The following RYR3 variants were observed in gnomAD, a reference collection of about 807,000 sequenced individuals.
The protein encoded by RYR3 is ryanodine receptor 3, also known as brain ryanodine receptor-calcium release channel.
A neutral mutation model predicts 584.3 loss-of-function variants in RYR3; 207 were observed. The ratio of observed to expected loss-of-function variants is 0.35; its 90% CI spans 0.32 to 0.40. RYR3 has a LOEUF of 0.40. Ranked by LOEUF, RYR3 falls within the 10% of genes least tolerant of loss-of-function variation. The pLI is 1.00. For synonymous variants in RYR3, 2,416 were observed against 2,248.5 expected (o/e 1.07, Z -2.11); for missense variants, 5,616 against 6,089.2 (o/e 0.92, Z 2.59).
intron 47 of RYR3, among the ~76,000 whole-genome samples, chr15:33,730,246 A>G (rs2068834144): frequency 6.6e-6 from 1 of 152,078 alleles, no homozygotes; most frequent in Non-Finnish European, 1.5e-5. Context: ...TGATCAAATA[A>G]TTTAATGTTT....
At chr15:33,677,479 A>G (rs1255896972) in intron 38 of RYR3, among the ~76,000 whole-genome samples, 2 of 152,158 alleles carry the variant, frequency 1.3e-5, no homozygotes, top group Admixed American at 1.3e-4. Context: ...CACCATCATC[A>G]TCGGTCATTT....
chr15:33,850,958 G>A (rs1020283019), intron 94 of RYR3: 3 of 152,050 alleles, frequency 2.0e-5, no homozygotes, highest in Admixed American at 6.6e-5. Flanking sequence ...AATATATTTT[G>A]ACTATTTTGA....
chr15:33,669,279 C>T (rs2063676083), intron 36 of RYR3, 75 bp from the exon 37 acceptor site: 8 of 1,080,824 alleles, frequency 7.4e-6, no homozygotes, highest in East Asian at 2.5e-5. Context: ...ATGTAAGTGT[C>T]TGTCTAAGGC....
intron 19 of RYR3, among the ~76,000 whole-genome samples, chr15:33,615,648 C>T (rs567682739): frequency 2.0e-5 from 3 of 152,140 alleles, no homozygotes; most frequent in Admixed American, 6.5e-5. Context: ...GGGAATCTTA[C>T]GCTATCTGCA....
chr15:33,653,684 T>A (rs1255236779), intron 32 of RYR3, among the ~76,000 whole-genome samples: 1 of 148,742 alleles, frequency 6.7e-6, no homozygotes, highest in South Asian at 2.2e-4. Flanking sequence ...AAAAAAAAAA[T>A]ACATTTATAT....
Position 33,800,989 on chromosome 15 carries a change from C to G in RYR3, c.9918+132C>G, listed in dbSNP as rs973670861. The G allele has an allele frequency of 1.8e-5, 12 of 676,460 alleles. No homozygotes were observed. In the Admixed American group the frequency reaches 1.9e-4, roughly 10 times the overall value. 41.9% of individuals were successfully genotyped at this position (676,460 alleles called of 1,614,324 possible). A position where few individuals can be genotyped will look rare whatever the true frequency, so the allele number is the denominator to read the frequency against. ...TCTGAGCCACATGTGAGGACCACGA[C>G]CCATGACACTGCCTCAGGAGGTCCT... On this transcript the variant is annotated intron_variant, in intron 68 of 103. Coordinates refer to ENST00000634891, the MANE Select transcript of RYR3 (RefSeq NM_001036.6).
chr15:33,497,479 T>G (rs1777837584), intron 2 of RYR3, among the ~76,000 whole-genome samples: 1 of 152,228 alleles, frequency 6.6e-6, no homozygotes, highest in Admixed American at 6.5e-5. Context: ...TCTCTATTCC[T>G]GCTGCTGCTA....
At chr15:33,453,051 C>G (rs905278259) in intron 1 of RYR3, among the ~76,000 whole-genome samples, 6 of 141,478 alleles carry the variant, frequency 4.2e-5, no homozygotes, top group African/African-American at 1.6e-4. Flanking sequence ...GTTTGCTGCA[C>G]TTGAAACTAG....
At chr15:33,315,891 T>C (rs1379817716) in intron 1 of RYR3, among the ~76,000 whole-genome samples, 1 of 152,198 alleles carries the variant, frequency 6.6e-6, no homozygotes, top group Non-Finnish European at 1.5e-5. Context: ...TTGGAAATAT[T>C]TGGAATGCAA....
chr15:33,479,671 A>G (rs1369092573), intron 2 of RYR3, among the ~76,000 whole-genome samples: 1 of 152,096 alleles, frequency 6.6e-6, no homozygotes, highest in Admixed American at 6.6e-5. Context: ...TTCATTCCAA[A>G]CCTGAATCAC....
At chr15:33,782,166 C>T (rs1188756135) in intron 65 of RYR3, among the ~76,000 whole-genome samples, 1 of 152,134 alleles carries the variant, frequency 6.6e-6, no homozygotes, top group Non-Finnish European at 1.5e-5. Context: ...GAGAAACTGC[C>T]TCTGCTCTTT....
intron 32 of RYR3, among the ~76,000 whole-genome samples, chr15:33,657,102 C>A (rs1056396627): frequency 6.6e-6 from 1 of 152,174 alleles, no homozygotes; most frequent in Non-Finnish European, 1.5e-5. Flanking sequence ...TGAGCCCACA[C>A]TTGTGTTTTT....
At chr15:33,826,228 C>A (rs771711576) in intron 82 of RYR3, 24 bp from the exon 83 acceptor site, 3 of 1,612,258 alleles carry the variant, frequency 1.9e-6, no homozygotes, top group Non-Finnish European at 1.7e-6. Context: ...ACTTTCTATT[C>A]TTCTGTTTTT....
At chr15:33,738,414 C>G in intron 49 of RYR3, 36 bp from the exon 50 acceptor site, 3 of 1,582,866 alleles carry the variant, frequency 1.9e-6, no homozygotes, top group Admixed American at 1.8e-5. Context: ...TTTCTCTATG[C>G]CACCCCGCTG....
At chr15:33,858,609 A>T (rs1229174046) in intron 99 of RYR3, 1 of 152,742 alleles carries the variant, frequency 6.5e-6, no homozygotes, top group African/African-American at 2.4e-5. Context: ...ATGGACCGGG[A>T]TTAAGCACTT....
intron 10 of RYR3, among the ~76,000 whole-genome samples, chr15:33,551,395 A>G (rs1013444545): frequency 6.6e-6 from 1 of 152,160 alleles, no homozygotes; most frequent in Non-Finnish European, 1.5e-5. Context: ...TGTGAGGCTG[A>G]CAGCTGAATT....
At position 33,756,367 on chromosome 15, in the gene RYR3, T is replaced by G. The variant is rs745432392; in HGVS notation, c.8577T>G (p.Phe2859Leu). 35 of 1,573,460 alleles carry G rather than the reference T, an allele frequency of 2.2e-5. No individual in the cohort carries two copies. The highest frequency in any genetic ancestry group is 2.6e-5 in the Non-Finnish European group (30 of 1,158,182). The change falls in exon 59 of 104, where the codon TTT becomes TTG. Residue 2859 changes from phenylalanine to leucine, a missense_variant. By Grantham distance (22) the Phe-to-Leu change is conservative. This residue lies in a region of RYR3 where 1,280 missense variants were observed against 1,426.2 expected (regional missense o/e 0.90). Coordinates refer to ENST00000634891, the MANE Select transcript of RYR3 (RefSeq NM_001036.6). ...CCCGTGACCAGGAGATCAAATTCTT[T>G]GCCAAAGTAAGTGGCCCTGCACTTA... ...KSPRDQEIKF[F>L]AKVLLPLVDQ...
intron 3 of RYR3, among the ~76,000 whole-genome samples, chr15:33,515,502 C>T (rs1055304462): frequency 6.6e-6 from 1 of 152,236 alleles, no homozygotes; most frequent in Non-Finnish European, 1.5e-5. Context: ...TATGGAATGC[C>T]AATTCCTCTT....
At chr15:33,488,688 T>TA (rs1485514072) in intron 2 of RYR3, among the ~76,000 whole-genome samples, 3 of 152,148 alleles carry the variant, frequency 2.0e-5, no homozygotes, top group South Asian at 2.1e-4. Flanking sequence ...CCGTCTCTAC[T>TA]AAAAATACAA....
Sources: allele counts gnomAD v4.1 joint callset (sites outside exome capture counted in the v4.1 genomes callset), GRCh38; gene constraint gnomAD v4.1.1; regional missense constraint gnomAD v4.1.1; transcripts MANE v1.5; gene names NCBI Gene and HGNC (gene_info 2026-07-23, HGNC 2026-07-21).